The following SLC71A2 variants were observed in gnomAD, a reference collection of about 807,000 sequenced individuals.
SLC71A2 encodes the protein solute carrier family 71 member 2, also known as hippocampus abundant transcript-like 1.
the SLC71A2 span, among the ~76,000 whole-genome samples, chr9:94,399,241 G>C: frequency 6.6e-6 from 1 of 152,026 alleles, no homozygotes; most frequent in African/African-American, 2.4e-5. Context: ...GATACTCCAC[G>C]CTCCTCTTAC....
chr9:94,405,901 A>G, the SLC71A2 span, among the ~76,000 whole-genome samples: 8 of 149,910 alleles, frequency 5.3e-5, no homozygotes, highest in South Asian at 4.2e-4. Context: ...TACCTTAACT[A>G]TATTAAATCT....
chr9:94,450,770 T>C, the SLC71A2 span, among the ~76,000 whole-genome samples: 4 of 152,190 alleles, frequency 2.6e-5, no homozygotes, highest in African/African-American at 9.7e-5. Flanking sequence ...ATTACAGGCG[T>C]GAGCCACTGC....
the SLC71A2 span, among the ~76,000 whole-genome samples, chr9:94,405,261 T>C: frequency 6.6e-6 from 1 of 152,066 alleles, no homozygotes; most frequent in African/African-American, 2.4e-5. Flanking sequence ...TTTGGAAGGC[T>C]GAGGCGGGCA....
At chr9:94,415,179 A>G in the SLC71A2 span, 4 of 1,613,872 alleles carry the variant, frequency 2.5e-6, no homozygotes, top group Non-Finnish European at 3.4e-6. Context: ...TGGCCGACCA[A>G]GTGTGTACCA....
the SLC71A2 span, chr9:94,459,543 A>G: frequency 2.5e-6 from 2 of 798,074 alleles, no homozygotes; most frequent in Non-Finnish European, 3.8e-6. Flanking sequence ...GATAAATACC[A>G]CCGCCATCAT....
the SLC71A2 span, among the ~76,000 whole-genome samples, chr9:94,419,662 C>A: frequency 2.0e-5 from 3 of 152,048 alleles, no homozygotes; most frequent in Non-Finnish European, 4.4e-5. Flanking sequence ...GTCTTGAACT[C>A]CTCCTCGCCT....
chr9:94,448,594 T>C, the SLC71A2 span, among the ~76,000 whole-genome samples: 1 of 152,230 alleles, frequency 6.6e-6, no homozygotes. Context: ...CCTGAGGGTA[T>C]GGGACTAATA....
At chr9:94,385,565 TCC>T in the SLC71A2 span, among the ~76,000 whole-genome samples, 1 of 152,002 alleles carries the variant, frequency 6.6e-6, no homozygotes, top group Non-Finnish European at 1.5e-5. Flanking sequence ...GAAGTAGGGG[TCC>T]AGCTTTACTC....
the SLC71A2 span, among the ~76,000 whole-genome samples, chr9:94,450,507 T>TTTTTTTTTTTTA: frequency 7.3e-6 from 1 of 137,220 alleles, no homozygotes. Context: ...TTTTTTTTTT[T>TTTTTTTTTTTTA]GAGATGGAGT....
chr9:94,421,600 A>G, the SLC71A2 span, among the ~76,000 whole-genome samples: 1 of 152,188 alleles, frequency 6.6e-6, no homozygotes. Context: ...TTAATTCAGC[A>G]GGCCCAAGTT....
the SLC71A2 span, among the ~76,000 whole-genome samples, chr9:94,406,341 G>A: frequency 1.3e-5 from 2 of 152,278 alleles, no homozygotes; most frequent in Admixed American, 1.3e-4. Context: ...CCGGGTTCAA[G>A]CGATTCTTCT....
the SLC71A2 span, among the ~76,000 whole-genome samples, chr9:94,443,560 G>A: frequency 6.6e-6 from 1 of 152,212 alleles, no homozygotes; most frequent in East Asian, 1.9e-4. Context: ...GTTTGTTGTG[G>A]GGAAGTCATT....
At chr9:94,453,148 CTTTTT>C in the SLC71A2 span, among the ~76,000 whole-genome samples, 1 of 124,770 alleles carries the variant, frequency 8.0e-6, no homozygotes, top group African/African-American at 3.3e-5. Flanking sequence ...ACTCAGCCAT[CTTTTT>C]TTTTTTTTTT....
chr9:94,381,418 C>T, the SLC71A2 span, among the ~76,000 whole-genome samples: 6 of 150,560 alleles, frequency 4.0e-5, no homozygotes, highest in Non-Finnish European at 7.4e-5. Flanking sequence ...AAAAGTTCAG[C>T]ATAAATTATT....
the SLC71A2 span, among the ~76,000 whole-genome samples, chr9:94,420,719 T>G: frequency 6.6e-6 from 1 of 151,828 alleles, no homozygotes; most frequent in South Asian, 2.1e-4. Context: ...GCCAACATAG[T>G]GAATCCCCGT....
the SLC71A2 span, among the ~76,000 whole-genome samples, chr9:94,440,292 TA>T: frequency 6.7e-6 from 1 of 150,312 alleles, no homozygotes; most frequent in Non-Finnish European, 1.5e-5. Context: ...TAGCTGGGAC[TA>T]CAGGCGCCCA....
the SLC71A2 span, among the ~76,000 whole-genome samples, chr9:94,426,618 A>G: frequency 6.6e-6 from 1 of 152,098 alleles, no homozygotes; most frequent in African/African-American, 2.4e-5. Context: ...GTGTATGTTT[A>G]TTACATGTAG....
chr9:94,426,270 T>G, the SLC71A2 span, among the ~76,000 whole-genome samples: 1 of 152,034 alleles, frequency 6.6e-6, no homozygotes, highest in Non-Finnish European at 1.5e-5. Flanking sequence ...TGCTTGTGAT[T>G]GTTATCCTGG....
At chr9:94,439,463 A>G in the SLC71A2 span, among the ~76,000 whole-genome samples, 4 of 151,430 alleles carry the variant, frequency 2.6e-5, no homozygotes, top group East Asian at 1.9e-4. Flanking sequence ...ATGTATTCCT[A>G]TTGCAGAGAT....
Sources: gnomAD v4.1 joint callset for allele counts (sites outside exome capture counted in the v4.1 genomes callset) on GRCh38, gnomAD v4.1.1 for gene constraint, MANE v1.5 for transcripts, NCBI Gene and HGNC (gene_info 2026-07-23, HGNC 2026-07-21) for gene names.